Variants in CDYL observed in about 807,000 individuals in gnomAD.
CDYL encodes chromodomain Y like, also known as chromodomain Y-like protein.
In CDYL, 8 loss-of-function variants were observed where a neutral mutation model predicts 47.3. That is an observed-to-expected ratio of 0.17 (90% CI 0.10 to 0.31). The LOEUF (loss-of-function observed/expected upper bound fraction) is 0.31, where lower values mean the gene tolerates loss of function less well. CDYL is among the 10% of genes least tolerant of loss of function. The pLI, the probability that CDYL is intolerant of heterozygous loss-of-function variation, is 1.00. For synonymous variants in CDYL, 266 were observed against 265.0 expected, an observed-to-expected ratio of 1.00 and a Z score of -0.04; for missense variants, 471 against 701.4, an observed-to-expected ratio of 0.67 and a Z score of 3.71.
At chr6:4,916,609 G>C (rs879809080) in intron 2 of CDYL, among the ~76,000 whole-genome samples, 147 of 152,004 alleles carry the variant, frequency 9.7e-4, no homozygotes, top group Admixed American at 2.4e-3. Context: ...GATGTATCGG[G>C]GGGGGGCGGG....
chr6:4,780,680 A>G (rs1225533153), intron 1 of CDYL, among the ~76,000 whole-genome samples: 8 of 152,170 alleles, frequency 5.3e-5, no homozygotes, highest in African/African-American at 1.2e-4. Context: ...TGAGGCTTAA[A>G]TGGCATTAGC....
At chr6:4,857,260 T>TA (rs1429596649) in intron 1 of CDYL, among the ~76,000 whole-genome samples, 9 of 152,074 alleles carry the variant, frequency 5.9e-5, no homozygotes, top group South Asian at 2.1e-4. Flanking sequence ...CGCCAGAACT[T>TA]AAAAAAAATG....
At chr6:4,744,507 T>A (rs1757853544) in intron 3 of CDYL, among the ~76,000 whole-genome samples, 1 of 151,446 alleles carries the variant, frequency 6.6e-6, no homozygotes, top group Non-Finnish European at 1.5e-5. Context: ...AAAAAAAAAA[T>A]TGCCAAATTA....
intron 1 of CDYL, among the ~76,000 whole-genome samples, chr6:4,802,136 G>A (rs991002926): frequency 2.6e-5 from 4 of 152,140 alleles, no homozygotes; most frequent in African/African-American, 9.7e-5. Context: ...GCAGTGCCTT[G>A]AGCCAAGATG....
At chr6:4,724,437 T>G (rs1442166510) in intron 2 of CDYL, 2 of 152,380 alleles carry the variant, frequency 1.3e-5, no homozygotes, top group African/African-American at 4.8e-5. Context: ...TGCAGTACTG[T>G]GCCAAATGTC....
intron 1 of CDYL, among the ~76,000 whole-genome samples, chr6:4,842,315 T>C (rs1285153041): frequency 1.9e-4 from 29 of 150,372 alleles, no homozygotes. Context: ...CATTGTTTCT[T>C]CGTTGACTTT....
intron 3 of CDYL, among the ~76,000 whole-genome samples, chr6:4,743,409 C>T (rs1179644166): frequency 6.6e-6 from 1 of 152,192 alleles, no homozygotes; most frequent in East Asian, 1.9e-4. Context: ...TCTCTGTTGG[C>T]AGGCAGGATA....
chr6:4,807,367 T>A (rs568756081), intron 1 of CDYL, among the ~76,000 whole-genome samples: 1 of 152,300 alleles, frequency 6.6e-6, no homozygotes, highest in East Asian at 1.9e-4. Context: ...ACTTTTCACT[T>A]TGTAATTAAT....
chr6:4,821,021 T>C (rs1759819933), intron 1 of CDYL, among the ~76,000 whole-genome samples: 1 of 152,204 alleles, frequency 6.6e-6, no homozygotes, highest in Non-Finnish European at 1.5e-5. Context: ...TCTTTACATT[T>C]TCTAACCTGG....
intron 2 of CDYL, among the ~76,000 whole-genome samples, chr6:4,922,815 G>A (rs546567013): frequency 1.7e-3 from 263 of 152,272 alleles, no homozygotes; most frequent in African/African-American, 6.0e-3. Context: ...CATCAGCAAT[G>A]GACACCAAAC....
chr6:4,802,381 T>TA (rs1030707424), intron 1 of CDYL, among the ~76,000 whole-genome samples: 6 of 151,966 alleles, frequency 3.9e-5, no homozygotes, highest in African/African-American at 7.2e-5. Flanking sequence ...TTACTAAAAA[T>TA]AAAAAAAACT....
chr6:4,894,927 G>GTGTGTGTA (rs1554105563), intron 2 of CDYL, among the ~76,000 whole-genome samples: 4 of 146,540 alleles, frequency 2.7e-5, no homozygotes, highest in African/African-American at 1.0e-4. Flanking sequence ...ATACACATAT[G>GTGTGTGTA]TATGTGTGTA....
At chr6:4,888,122 A>C (rs1381574356) in intron 1 of CDYL, among the ~76,000 whole-genome samples, 1 of 152,116 alleles carries the variant, frequency 6.6e-6, no homozygotes, top group Non-Finnish European at 1.5e-5. Context: ...TTGTGTCTAT[A>C]TTCATAAAAG....
intron 3 of CDYL, among the ~76,000 whole-genome samples, chr6:4,735,609 C>T (rs977169073): frequency 6.6e-6 from 1 of 151,582 alleles, no homozygotes; most frequent in African/African-American, 2.4e-5. Flanking sequence ...ACTAAAAATA[C>T]AAAAAAATTA....
chr6:4,855,089 T>A (rs1461951739), intron 1 of CDYL, among the ~76,000 whole-genome samples: 1 of 152,220 alleles, frequency 6.6e-6, no homozygotes, highest in African/African-American at 2.4e-5. Context: ...AAATAATTAT[T>A]TCCTGGATAA....
At chr6:4,734,744 C>T in intron 2 of CDYL, 1 of 1,613,502 alleles carries the variant, frequency 6.2e-7, no homozygotes, top group Non-Finnish European at 8.5e-7. Context: ...CAGAAACTTT[C>T]TCATTATTCT....
chr6:4,729,347 A>G (rs1219785592), intron 2 of CDYL, among the ~76,000 whole-genome samples: 1 of 152,174 alleles, frequency 6.6e-6, no homozygotes, highest in Non-Finnish European at 1.5e-5. Flanking sequence ...CTTTGCGTGC[A>G]TATACACACA....
chr6:4,725,673 C>T (rs1311708667), intron 2 of CDYL, among the ~76,000 whole-genome samples: 8 of 152,330 alleles, frequency 5.3e-5, no homozygotes, highest in African/African-American at 1.9e-4. Context: ...GCCCCGGTTC[C>T]GCCCGCGCCT....
intron 5 of CDYL, among the ~76,000 whole-genome samples, chr6:4,949,427 C>T (rs1209706107): frequency 6.6e-6 from 1 of 152,240 alleles, no homozygotes; most frequent in Non-Finnish European, 1.5e-5. Context: ...CCCCTCTGCT[C>T]ATACTGGGCC....
Sources: allele counts gnomAD v4.1 joint callset (sites outside exome capture counted in the v4.1 genomes callset), GRCh38; gene constraint gnomAD v4.1.1; transcripts MANE v1.5; gene names NCBI Gene and HGNC (gene_info 2026-07-23, HGNC 2026-07-21).